Variants in TNR observed in about 807,000 individuals in gnomAD.
TNR encodes tenascin R.
Under a neutral mutation model 150.4 loss-of-function variants are expected in TNR, and 45 were observed. The ratio of observed to expected loss-of-function variants is 0.30; its 90% CI spans 0.24 to 0.38. The LOEUF is 0.38. Ranked by LOEUF, TNR falls within the 10% of genes least tolerant of loss-of-function variation. The probability of loss-of-function intolerance (pLI) is 1.00; values close to 1 mark genes in which losing one functional copy is unlikely to be tolerated. For missense variants in TNR, 1,544 were observed against 1,759.1 expected (o/e 0.88, Z 2.19); for synonymous variants, 687 against 678.4 (o/e 1.01, Z -0.20).
chr1:175,390,506 A>G (rs1653121940), intron 7 of TNR, among the ~76,000 whole-genome samples: 1 of 152,252 alleles, frequency 6.6e-6, no homozygotes, highest in Non-Finnish European at 1.5e-5. Flanking sequence ...ACATTTATAC[A>G]TCACAATAGC....
intron 1 of TNR, among the ~76,000 whole-genome samples, chr1:175,706,343 A>G (rs4652111): frequency 0.18 from 27,542 of 152,078 alleles, 3,690 homozygotes; most frequent in African/African-American, 0.37. Flanking sequence ...CAAATCAAAC[A>G]GCATCATTAC....
At chr1:175,640,791 G>GTGTATATATATATATATATA (rs1158722943) in intron 1 of TNR, among the ~76,000 whole-genome samples, 4 of 143,648 alleles carry the variant, frequency 2.8e-5, no homozygotes, top group African/African-American at 1.0e-4. Context: ...GTGTGTGTGG[G>GTGTATATATATATATATATA]TATATATATA....
chr1:175,696,016 A>C (rs201567539), intron 1 of TNR, among the ~76,000 whole-genome samples: 1 of 65,284 alleles, frequency 1.5e-5, no homozygotes, highest in Non-Finnish European at 3.1e-5. Context: ...ATGGATGGAC[A>C]GATAGATTAA....
chr1:175,351,062 C>T (rs562318962), intron 18 of TNR, among the ~76,000 whole-genome samples: 4 of 152,300 alleles, frequency 2.6e-5, no homozygotes, highest in African/African-American at 4.8e-5. Flanking sequence ...CCCTGGCTTG[C>T]GATCACCTGG....
chr1:175,654,719 C>CTTTTTTTTTTTTT, intron 1 of TNR, among the ~76,000 whole-genome samples: 1 of 74,734 alleles, frequency 1.3e-5, no homozygotes, highest in Non-Finnish European at 2.4e-5. Context: ...AAGTTCCCTT[C>CTTTTTTTTTTTTT]TTTTTTTTTT....
intron 2 of TNR, among the ~76,000 whole-genome samples, chr1:175,468,162 G>T (rs964607259): frequency 6.6e-6 from 1 of 152,216 alleles, no homozygotes; most frequent in African/African-American, 2.4e-5. Flanking sequence ...ATTTCCAAGG[G>T]TGGGAACTTG....
intron 1 of TNR, among the ~76,000 whole-genome samples, chr1:175,683,044 G>A (rs537818919): frequency 1.3e-5 from 2 of 152,224 alleles, no homozygotes; most frequent in South Asian, 4.1e-4. Context: ...GGCAAGGATT[G>A]GCACCAACTT....
intron 1 of TNR, among the ~76,000 whole-genome samples, chr1:175,693,024 A>G (rs1300044784): frequency 6.6e-6 from 1 of 152,224 alleles, no homozygotes; most frequent in African/African-American, 2.4e-5. Flanking sequence ...AGGAAAACAG[A>G]CACAGACCTC....
chr1:175,421,460 G>A (rs1571416289), intron 2 of TNR, among the ~76,000 whole-genome samples: 1 of 152,296 alleles, frequency 6.6e-6, no homozygotes, highest in South Asian at 2.1e-4. Flanking sequence ...GCCCAAAGCA[G>A]GTGAGCTATT....
chr1:175,585,253 A>T (rs1003296889), intron 1 of TNR, among the ~76,000 whole-genome samples: 1 of 152,250 alleles, frequency 6.6e-6, no homozygotes, highest in Non-Finnish European at 1.5e-5. Context: ...AAGGTCATAT[A>T]ACTAATAAAT....
At chr1:175,342,424 G>A (rs1322927246) in intron 18 of TNR, among the ~76,000 whole-genome samples, 1 of 152,222 alleles carries the variant, frequency 6.6e-6, no homozygotes, top group African/African-American at 2.4e-5. Context: ...GGTTTAGCAG[G>A]AGACAGAGCA....
At chr1:175,603,476 A>G (rs1211976391) in intron 1 of TNR, among the ~76,000 whole-genome samples, 1 of 152,248 alleles carries the variant, frequency 6.6e-6, no homozygotes, top group African/African-American at 2.4e-5. Flanking sequence ...CTCAGCAGTC[A>G]CTGTAGCAAT....
intron 1 of TNR, among the ~76,000 whole-genome samples, chr1:175,661,753 A>C (rs1665378506): frequency 1.4e-5 from 2 of 146,242 alleles, no homozygotes; most frequent in Non-Finnish European, 1.5e-5. Flanking sequence ...CTCCCTCTTT[A>C]TTTCCTCCCC....
intron 2 of TNR, among the ~76,000 whole-genome samples, chr1:175,520,387 G>A (rs1207536006): frequency 6.6e-6 from 1 of 152,196 alleles, no homozygotes; most frequent in Non-Finnish European, 1.5e-5. Flanking sequence ...CTGCACTGGG[G>A]CTGATTTCCA....
At position 175,647,593 on chromosome 1, in the gene TNR, T is replaced by C. The variant is rs139911372; in HGVS notation, c.-165+95633A>G. ...CAAGCTACCAAGCACGGGAAGGAGA[T>C]AACAAGTAGTGTGTGAAATGCCAAT... On this transcript the variant is annotated intron_variant, in intron 1 of 22. Transcript: ENST00000367674. 1.4e-3 allele frequency among the ~76,000 whole-genome samples: 216 copies of C among 152,194 alleles called. 3 individuals carry two copies. Among genetic ancestry groups the C allele is most frequent in the African/African-American group, 4.8e-3 (201 of 41,520 alleles).
chr1:175,536,577 T>C (rs1660296450), intron 1 of TNR, among the ~76,000 whole-genome samples: 1 of 152,250 alleles, frequency 6.6e-6, no homozygotes, highest in Non-Finnish European at 1.5e-5. Context: ...GCCTCCTTTG[T>C]CCTTCCTTCT....
chr1:175,700,821 C>A (rs533453243), intron 1 of TNR, among the ~76,000 whole-genome samples: 1 of 152,220 alleles, frequency 6.6e-6, no homozygotes. Flanking sequence ...GCATTCTTCA[C>A]GTCCCACCAG....
intron 1 of TNR, among the ~76,000 whole-genome samples, chr1:175,570,596 T>C (rs1375831751): frequency 2.0e-5 from 3 of 152,128 alleles, no homozygotes; most frequent in African/African-American, 4.8e-5. Flanking sequence ...TGTACGAAGA[T>C]TGAATTTATC....
chr1:175,574,748 A>G (rs561138779), intron 1 of TNR, among the ~76,000 whole-genome samples: 4 of 152,298 alleles, frequency 2.6e-5, no homozygotes, highest in African/African-American at 9.6e-5. Flanking sequence ...CTTGTGTGTA[A>G]GGACTGCAAA....
Sources: gnomAD v4.1 joint callset for allele counts (sites outside exome capture counted in the v4.1 genomes callset) on GRCh38, gnomAD v4.1.1 for gene constraint, MANE v1.5 for transcripts, NCBI Gene and HGNC (gene_info 2026-07-23, HGNC 2026-07-21) for gene names.